The following TASP1 variants were observed in gnomAD, a reference collection of about 807,000 sequenced individuals.
The protein encoded by TASP1 is taspase 1.
A neutral mutation model predicts 56.6 loss-of-function variants in TASP1; 16 were observed. The observed-to-expected ratio is 0.28, with a 90% confidence interval of 0.19 to 0.43. The LOEUF is 0.43. Ranked by LOEUF, TASP1 falls within the 20% of genes least tolerant of loss-of-function variation. TASP1 has a pLI of 1.00. For synonymous variants in TASP1, 179 were observed against 184.2 expected, an observed-to-expected ratio of 0.97 and a Z score of 0.23; for missense variants, 393 against 511.6, an observed-to-expected ratio of 0.77 and a Z score of 2.24.
chr20:13,261,332 C>A, the TASP1 span, among the ~76,000 whole-genome samples: 3 of 151,714 alleles, frequency 2.0e-5, no homozygotes, highest in Non-Finnish European at 2.9e-5. Flanking sequence ...GCAGGAGAAT[C>A]GCCTGAACCC....
At chr20:13,630,487 G>A (rs1461789485) in intron 1 of TASP1, among the ~76,000 whole-genome samples, 5 of 151,666 alleles carry the variant, frequency 3.3e-5, no homozygotes, top group South Asian at 2.1e-4. Context: ...TCAGGAGTTC[G>A]AGACCAGCCT....
rs563511277 is a variant in TASP1, at chr20:13,528,564, T to C, written c.796-53A>G. ...ATTTCAGAAATATCATATGTAATTA[T>C]TAGTTTTCAACAGAAATCATACCCT... On this transcript the variant is annotated intron_variant, in intron 9 of 13. Coordinates refer to ENST00000337743, the MANE Select transcript of TASP1 (RefSeq NM_017714.3). The C allele has an allele frequency of 4.1e-6, 6 of 1,472,352 alleles. No homozygotes were observed. The African/African-American group carries it at 7.1e-5, about 17-fold the overall frequency. The allele number at this position is 1,472,352 out of a possible 1,614,324, so 91.2% of individuals were successfully genotyped here.
chr20:13,453,362 G>A (rs2043699307), intron 11 of TASP1, among the ~76,000 whole-genome samples: 1 of 152,102 alleles, frequency 6.6e-6, no homozygotes, highest in Non-Finnish European at 1.5e-5. Context: ...GAGTGGTATT[G>A]TCTTCAGGAT....
At chr20:13,608,217 G>A (rs1282355925) in intron 4 of TASP1, among the ~76,000 whole-genome samples, 1 of 152,060 alleles carries the variant, frequency 6.6e-6, no homozygotes, top group Non-Finnish European at 1.5e-5. Context: ...TAATTTTCTG[G>A]TATCCCAACA....
intron 5 of TASP1, 85 bp downstream of exon 5, chr20:13,587,165 G>A: frequency 2.1e-6 from 3 of 1,454,006 alleles, no homozygotes; most frequent in Non-Finnish European, 1.8e-6. Context: ...CAGAAATGGT[G>A]AAAAAGACTG....
chr20:13,225,061 G>A, the TASP1 span, among the ~76,000 whole-genome samples: 4 of 149,714 alleles, frequency 2.7e-5, no homozygotes, highest in African/African-American at 9.9e-5. Context: ...CACCGTGTTA[G>A]CCAGGATGGT....
At chr20:13,292,345 T>C in the TASP1 span, 3 of 1,441,298 alleles carry the variant, frequency 2.1e-6, no homozygotes, top group Non-Finnish European at 2.9e-6. Context: ...CATGTAATGA[T>C]GGAAAAATGA....
intron 13 of TASP1, among the ~76,000 whole-genome samples, chr20:13,411,213 A>G (rs118074879): frequency 6.6e-6 from 1 of 152,222 alleles, no homozygotes; most frequent in Non-Finnish European, 1.5e-5. Context: ...TGTTTTGGTT[A>G]CTATAGGTTT....
chr20:13,537,714 G>A (rs1275103757), intron 8 of TASP1, among the ~76,000 whole-genome samples: 1 of 152,060 alleles, frequency 6.6e-6, no homozygotes, highest in Admixed American at 6.6e-5. Flanking sequence ...TAAAACTATA[G>A]TCCTCTTCAA....
the TASP1 span, among the ~76,000 whole-genome samples, chr20:13,173,664 A>C: frequency 6.6e-6 from 1 of 152,094 alleles, no homozygotes; most frequent in East Asian, 1.9e-4. Context: ...ATGAAAACAG[A>C]GGTGATAGGT....
At chr20:13,158,579 C>T in the TASP1 span, among the ~76,000 whole-genome samples, 4 of 152,166 alleles carry the variant, frequency 2.6e-5, no homozygotes, top group Non-Finnish European at 5.9e-5. Flanking sequence ...AGCTCTCATT[C>T]TGTGCAGTTC....
chr20:13,203,984 G>A, the TASP1 span, among the ~76,000 whole-genome samples: 1 of 152,186 alleles, frequency 6.6e-6, no homozygotes, highest in Admixed American at 6.5e-5. Context: ...TTGTCCAAAT[G>A]CTTGTCACAT....
At chr20:13,187,732 CAAAAAAAAAAAA>C in the TASP1 span, among the ~76,000 whole-genome samples, 2 of 57,154 alleles carry the variant, frequency 3.5e-5, no homozygotes, top group Non-Finnish European at 6.2e-5. Flanking sequence ...GACTCCATCT[CAAAAAAAAAAAA>C]AAAAAAAAAA....
the TASP1 span, among the ~76,000 whole-genome samples, chr20:13,330,631 C>T: frequency 6.6e-6 from 1 of 152,286 alleles, no homozygotes; most frequent in Non-Finnish European, 1.5e-5. Flanking sequence ...GTCAGTGAAA[C>T]TACCTGAGCT....
At chr20:13,508,894 A>C (rs1391296072) in intron 10 of TASP1, among the ~76,000 whole-genome samples, 1 of 152,188 alleles carries the variant, frequency 6.6e-6, no homozygotes, top group Non-Finnish European at 1.5e-5. Context: ...TGGTGGAATT[A>C]TAAATTAGTA....
chr20:13,539,809 G>T (rs935147513), intron 8 of TASP1, among the ~76,000 whole-genome samples: 5 of 152,102 alleles, frequency 3.3e-5, no homozygotes, highest in Non-Finnish European at 5.9e-5. Flanking sequence ...TCTGGGGTTT[G>T]CAACATTAAA....
rs146292230 is a variant in TASP1, at chr20:13,419,623, C to T, written c.1097-2102G>A. Among the ~76,000 whole-genome samples, 766 of 152,268 alleles carry T rather than the reference C, an allele frequency of 5.0e-3. 6 individuals carry two copies. The highest frequency in any genetic ancestry group is 0.017 in the African/African-American group (688 of 41,548). On this transcript the variant is annotated intron_variant, in intron 12 of 13. Transcript: ENST00000337743. ...CAACACTAAACCCTGTCCCCCAGGC[C>T]ATCCATCTGTTTATATCTCTAAGCT...
At chr20:13,193,853 C>T in the TASP1 span, among the ~76,000 whole-genome samples, 1 of 152,180 alleles carries the variant, frequency 6.6e-6, no homozygotes, top group Admixed American at 6.6e-5. Context: ...TAGTATCTGT[C>T]CCACCTTAAG....
the TASP1 span, among the ~76,000 whole-genome samples, chr20:13,327,962 T>C: frequency 6.6e-6 from 1 of 152,208 alleles, no homozygotes; most frequent in African/African-American, 2.4e-5. Flanking sequence ...AAACAGGATC[T>C]AATTAAACTA....
Sources: allele counts gnomAD v4.1 joint callset (sites outside exome capture counted in the v4.1 genomes callset), GRCh38; gene constraint gnomAD v4.1.1; transcripts MANE v1.5; gene names NCBI Gene and HGNC (gene_info 2026-07-23, HGNC 2026-07-21).